Variants in STXBP5L observed in about 807,000 individuals in gnomAD.
STXBP5L encodes the protein syntaxin binding protein 5L.
Under a neutral mutation model 144.5 loss-of-function variants are expected in STXBP5L, and 65 were observed. The ratio of observed to expected loss-of-function variants is 0.45; its 90% confidence interval spans 0.37 to 0.55. The LOEUF is 0.55. Ranked by LOEUF, STXBP5L falls within the 20% of genes least tolerant of loss-of-function variation. STXBP5L has a pLI of 0.00. For missense variants in STXBP5L, 1,298 were observed against 1,405.5 expected (o/e 0.92, Z 1.22); for synonymous variants, 505 against 469.6 (o/e 1.08, Z -0.97).
chr3:121,283,735 G>T (rs571664588), intron 19 of STXBP5L, among the ~76,000 whole-genome samples: 1 of 152,016 alleles, frequency 6.6e-6, no homozygotes, highest in African/African-American at 2.4e-5. Flanking sequence ...GCTGATTCCT[G>T]CTCTGTGCCA....
intron 2 of STXBP5L, among the ~76,000 whole-genome samples, chr3:120,915,142 C>T (rs1181417029): frequency 1.3e-5 from 2 of 152,112 alleles, no homozygotes; most frequent in South Asian, 2.1e-4. Flanking sequence ...CAAACAGTGC[C>T]GTCATACTTT....
At chr3:121,347,960 G>A (rs1353120233) in intron 20 of STXBP5L, among the ~76,000 whole-genome samples, 3 of 152,094 alleles carry the variant, frequency 2.0e-5, no homozygotes, top group East Asian at 1.9e-4. Context: ...TCCTTCTCCT[G>A]CCTAATTGCC....
chr3:121,395,317 G>A (rs988041296), intron 22 of STXBP5L, among the ~76,000 whole-genome samples: 2 of 151,836 alleles, frequency 1.3e-5, no homozygotes, highest in Non-Finnish European at 2.9e-5. Context: ...AAATAATCTT[G>A]GACTGTGGAA....
chr3:121,060,376 G>C (rs946799928), intron 5 of STXBP5L, among the ~76,000 whole-genome samples: 3 of 152,168 alleles, frequency 2.0e-5, no homozygotes, highest in African/African-American at 7.2e-5. Flanking sequence ...TGGTTTGTCA[G>C]TATTTTATTG....
intron 5 of STXBP5L, among the ~76,000 whole-genome samples, chr3:121,059,489 GT>G (rs1031204639): frequency 1.3e-5 from 2 of 151,808 alleles, no homozygotes; most frequent in African/African-American, 4.8e-5. Context: ...ATTTAAAGTA[GT>G]TTTTTTTCTA....
intron 3 of STXBP5L, among the ~76,000 whole-genome samples, chr3:120,998,201 C>T (rs1357812144): frequency 1.3e-5 from 2 of 152,096 alleles, no homozygotes; most frequent in Non-Finnish European, 1.5e-5. Context: ...TTTACCACTC[C>T]AATTCAACAT....
At chr3:121,242,306 T>C (rs2049696510) in intron 14 of STXBP5L, among the ~76,000 whole-genome samples, 1 of 152,000 alleles carries the variant, frequency 6.6e-6, no homozygotes, top group Non-Finnish European at 1.5e-5. Context: ...AGTAACAGAG[T>C]CTGATGTTAC....
At chr3:121,090,735 G>A (rs559837692) in intron 5 of STXBP5L, among the ~76,000 whole-genome samples, 4 of 150,972 alleles carry the variant, frequency 2.6e-5, no homozygotes, top group East Asian at 3.9e-4. Context: ...TACTTCATGG[G>A]GACACAATTA....
Position 121,191,769 on chromosome 3 carries a change from T to C in STXBP5L, c.878-14154T>C, listed in dbSNP as rs188970068. ...TACACCATGGAATACTATGCAGCCATATAAAAGGATGAGTTCTTGTCCTTT... is the reference window on the plus strand; with the variant it reads ...TACACCATGGAATACTATGCAGCCACATAAAAGGATGAGTTCTTGTCCTTT... On this transcript the variant is annotated intron_variant, in intron 9 of 26. Transcript: ENST00000471454. 2.7e-3 allele frequency among the ~76,000 whole-genome samples: 410 copies of C among 152,216 alleles called. 4 individuals are homozygous for C. The highest frequency in any genetic ancestry group is 5.7e-3 in the Admixed American group (87 of 15,286).
At chr3:121,344,399 G>C (rs1224928563) in intron 20 of STXBP5L, among the ~76,000 whole-genome samples, 1 of 152,084 alleles carries the variant, frequency 6.6e-6, no homozygotes. Flanking sequence ...ATTGACAAAT[G>C]GGATCTAATT....
chr3:121,194,734 A>G (rs76029257), intron 9 of STXBP5L, among the ~76,000 whole-genome samples: 2,933 of 152,128 alleles, frequency 0.019, 88 homozygotes, highest in African/African-American at 0.066. Context: ...CCAATTACAA[A>G]TTCATTTCAT....
chr3:121,110,321 G>A (rs764545728), intron 5 of STXBP5L, among the ~76,000 whole-genome samples: 39 of 152,284 alleles, frequency 2.6e-4, no homozygotes, highest in Non-Finnish European at 5.7e-4. Flanking sequence ...TTGTACTTCA[G>A]TGTGGTTTTG....
At chr3:121,125,333 G>A (rs953142490) in intron 7 of STXBP5L, among the ~76,000 whole-genome samples, 3 of 152,152 alleles carry the variant, frequency 2.0e-5, no homozygotes, top group Middle Eastern at 3.4e-3. Context: ...TTAGCCTTGT[G>A]TGGTGGCATG....
chr3:121,047,219 GT>G (rs1166514310), intron 5 of STXBP5L, among the ~76,000 whole-genome samples: 1 of 151,978 alleles, frequency 6.6e-6, no homozygotes, highest in Non-Finnish European at 1.5e-5. Flanking sequence ...TGAGAGTGTG[GT>G]TGGTATGGTT....
intron 2 of STXBP5L, among the ~76,000 whole-genome samples, chr3:120,935,172 CT>C (rs932073440): frequency 3.3e-5 from 5 of 151,136 alleles, no homozygotes; most frequent in African/African-American, 1.2e-4. Context: ...TATTTTTATA[CT>C]TTTTTTAGTG....
intron 3 of STXBP5L, among the ~76,000 whole-genome samples, chr3:120,978,277 C>A (rs1299078973): frequency 1.3e-5 from 2 of 152,186 alleles, no homozygotes; most frequent in East Asian, 3.9e-4. Flanking sequence ...CTTCCCTTCT[C>A]ACTACATTTC....
chr3:121,158,463 A>T (rs1311037722), intron 9 of STXBP5L: 1 of 152,182 alleles, frequency 6.6e-6, no homozygotes, highest in East Asian at 1.9e-4. Context: ...GAATTATTTC[A>T]TGCTGTTTGT....
chr3:121,397,280 G>A (rs560079398), intron 22 of STXBP5L, among the ~76,000 whole-genome samples: 2 of 152,310 alleles, frequency 1.3e-5, no homozygotes, highest in South Asian at 4.1e-4. Flanking sequence ...GGCAATCCTG[G>A]CTGTAATGCT....
At chr3:120,974,736 G>A (rs552779397) in intron 3 of STXBP5L, among the ~76,000 whole-genome samples, 1 of 152,302 alleles carries the variant, frequency 6.6e-6, no homozygotes, top group African/African-American at 2.4e-5. Context: ...GTAAGGAAGA[G>A]ATCCAGTTTC....
Sources: allele counts gnomAD v4.1 joint callset (sites outside exome capture counted in the v4.1 genomes callset), GRCh38; gene constraint gnomAD v4.1.1; transcripts MANE v1.5; gene names NCBI Gene and HGNC (gene_info 2026-07-23, HGNC 2026-07-21).